The following CNOT1 variants were observed in gnomAD, a reference collection of about 807,000 sequenced individuals.
CNOT1 encodes CCR4-NOT transcription complex subunit 1.
A neutral mutation model predicts 273.8 loss-of-function variants in CNOT1; 15 were observed. The ratio of observed to expected loss-of-function variants is 0.05; its 90% CI spans 0.04 to 0.08. CNOT1 has a LOEUF of 0.08. CNOT1 is among the 10% of genes least tolerant of loss of function. The probability of loss-of-function intolerance (pLI) is 1.00; values close to 1 mark genes in which losing one functional copy is unlikely to be tolerated. For synonymous variants in CNOT1, 1,022 were observed against 1,005.5 expected, an observed-to-expected ratio of 1.02 and a Z score of -0.31; for missense variants, 1,644 against 2,912.2, an observed-to-expected ratio of 0.56 and a Z score of 10.02.
At chr16:58,587,499 A>G (rs1315395079) in intron 4 of CNOT1, 86 bp from the exon 5 acceptor site, 4 of 1,564,304 alleles carry the variant, frequency 2.6e-6, no homozygotes, top group Non-Finnish European at 3.5e-6. Context: ...CAAGGATGGC[A>G]CTACATAGGA....
rs766290876 is a variant in CNOT1 at position 58,541,567 on chromosome 16, A to G, written c.4734T>C (p.Asn1578=). The G allele has an allele frequency of 3.3e-5, 53 of 1,614,022 alleles. 1 individual carries two copies. The South Asian group carries it at 3.3e-4, about 10-fold the overall frequency. The change falls in exon 34 of 49, where the codon AAT becomes AAC. Residue 1578 remains asparagine, a synonymous_variant. Transcript: ENST00000317147. The part of the protein sequence containing the change: ...QLAVYEEFAR[N]VPGFLPTNDL... The stretch of plus-strand genomic sequence containing the variant: ...CATTTGTAGGTAAGAAGCCAGGAAC[A>G]TTGCGTGCAAACTCTTCGTAAACAG...
In CNOT1 at chr16:58,523,261, A is replaced by C. The variant is rs1007777069; in HGVS notation, c.6917+109T>G. On this transcript the variant is annotated intron_variant, in intron 47 of 48. Coordinates refer to ENST00000317147, the MANE Select transcript of CNOT1 (RefSeq NM_016284.5). ...CTCCGTCTCAAAAAAACAAAAAAAA[A>C]ACCAACCAAACGGATTTTCACTGAA... is the stretch of plus-strand genomic sequence containing the variant. 6.3e-6 allele frequency: 8 copies of C among 1,275,924 alleles called. No individual in the cohort carries two copies. The South Asian group carries it at 1.3e-4, about 20-fold the overall frequency. The allele number at this position is 1,275,924 out of a possible 1,614,324, so 79.0% of individuals were successfully genotyped here.
At chr16:58,593,677 T>G (rs1050400532) in intron 2 of CNOT1, among the ~76,000 whole-genome samples, 1 of 151,814 alleles carries the variant, frequency 6.6e-6, no homozygotes, top group African/African-American at 2.4e-5. Context: ...GAGGAGATGA[T>G]GATCTTGCCA....
chr16:58,592,496 T>C (rs942210692), intron 2 of CNOT1, among the ~76,000 whole-genome samples: 2 of 152,140 alleles, frequency 1.3e-5, no homozygotes, highest in African/African-American at 4.8e-5. Context: ...GATGATCACT[T>C]GAGGCCAGGA....
At chr16:58,540,748 C>T (rs2040068452) in intron 34 of CNOT1, among the ~76,000 whole-genome samples, 2 of 152,024 alleles carry the variant, frequency 1.3e-5, no homozygotes, top group African/African-American at 4.8e-5. Context: ...GAAATACAAA[C>T]CAAAGGAAAA....
chr16:58,572,952 A>G (rs527943861), intron 16 of CNOT1, among the ~76,000 whole-genome samples: 3 of 151,556 alleles, frequency 2.0e-5, no homozygotes, highest in African/African-American at 7.2e-5. Flanking sequence ...AAATAAAATA[A>G]TTAATAAATT....
At chr16:58,525,960 T>G (rs201935361) in intron 45 of CNOT1, 29 bp downstream of exon 45, 4 of 1,605,256 alleles carry the variant, frequency 2.5e-6, no homozygotes, top group Non-Finnish European at 3.4e-6. Flanking sequence ...ATGGAAGACG[T>G]AGATGAGTTT....
At chr16:58,542,594 TGGG>T in intron 31 of CNOT1, 26 bp from the exon 32 acceptor site, 1 of 42,164 alleles carries the variant, frequency 2.4e-5, no homozygotes, top group Non-Finnish European at 3.6e-5. Flanking sequence ...GGTGGGGGGG[TGGG>T]GGGAATAGAA....
intron 1 of CNOT1, among the ~76,000 whole-genome samples, chr16:58,599,848 A>C (rs780815267): frequency 6.6e-6 from 1 of 152,000 alleles, no homozygotes; most frequent in Non-Finnish European, 1.5e-5. Context: ...GGCAGATCAC[A>C]AGGGCAGGAG....
chr16:58,532,322 T>C lies in CNOT1; in HGVS notation c.5969A>G (p.Tyr1990Cys). ...GAGAAGCATGATAAAAATTCGATGGTAGGGAAGTTGCTGAAATTCACTCTG... is the reference window on the plus strand; with the variant it reads ...GAGAAGCATGATAAAAATTCGATGGCAGGGAAGTTGCTGAAATTCACTCTG... ...VRQSEFQQLP[Y>C]HRIFIMLLLE... Residue 1990 changes from tyrosine to cysteine, a missense_variant, in exon 41 of 49, where the codon TAC (tyrosine) becomes TGC (cysteine). By Grantham distance (194) the Tyr-to-Cys change is radical. This residue lies in a region of CNOT1 where 133 missense variants were observed against 328.2 expected (regional missense o/e 0.41). Transcript: ENST00000317147. 6.2e-7 allele frequency: 1 copy of C among 1,614,192 alleles called. No homozygotes were observed. Among genetic ancestry groups the C allele is most frequent in the Non-Finnish European group, 8.5e-7 (1 of 1,180,022 alleles).
chr16:58,562,541 C>T (rs984081360), intron 16 of CNOT1, among the ~76,000 whole-genome samples: 5 of 146,990 alleles, frequency 3.4e-5, no homozygotes, highest in African/African-American at 7.5e-5. Context: ...GGCGGGGGGG[C>T]GGCCAGGCAC....
intron 21 of CNOT1, among the ~76,000 whole-genome samples, chr16:58,554,617 A>G (rs2040566764): frequency 6.6e-6 from 1 of 152,180 alleles, no homozygotes; most frequent in Non-Finnish European, 1.5e-5. Flanking sequence ...TTCTCATTTT[A>G]GTTTTCCTAC....
At chr16:58,570,960 GC>G (rs1288350999) in intron 16 of CNOT1, among the ~76,000 whole-genome samples, 4 of 152,050 alleles carry the variant, frequency 2.6e-5, no homozygotes, top group African/African-American at 9.7e-5. Context: ...CAGCAAAAGA[GC>G]CCTATATTAT....
rs779971579 is a variant in CNOT1, at chr16:58,551,718, G to C, written c.3072C>G (p.Ala1024=). 5 of 1,614,074 alleles carry C rather than the reference G, an allele frequency of 3.1e-6. No homozygotes were observed. The highest frequency in any genetic ancestry group is 1.7e-5 in the Admixed American group (1 of 60,008). ...SIALAQAQAQ[A]QVPAKAPLAG... is the part of the protein sequence containing the mutation. ...CAAGAGGAGCTTTTGCTGGAACCTG[G>C]GCCTGAGCCTGGGCCTGAGCCAGTG... The change falls in exon 23 of 49, where the codon GCC becomes GCG. Residue 1024 remains alanine (A), a synonymous_variant. Transcript: ENST00000317147.
chr16:58,548,469 T>G (rs752385214), intron 25 of CNOT1: 3 of 508,506 alleles, frequency 5.9e-6, no homozygotes, highest in African/African-American at 3.9e-5. Flanking sequence ...CCAACCACCC[T>G]TGCTATCAGA....
At chr16:58,537,365 T>C (rs1597415706) in intron 38 of CNOT1, 145 bp from the exon 39 acceptor site, 1 of 1,248,968 alleles carries the variant, frequency 8.0e-7, no homozygotes, top group Non-Finnish European at 1.1e-6. Context: ...AACAAAACTA[T>C]ACTTAGTCTC....
At chr16:58,526,590 G>A (rs917753833) in intron 44 of CNOT1, among the ~76,000 whole-genome samples, 5 of 150,664 alleles carry the variant, frequency 3.3e-5, no homozygotes, top group East Asian at 2.0e-4. Flanking sequence ...TTGGGAGGCC[G>A]AGGTAGGCGG....
At position 58,551,637 on chromosome 16, in the gene CNOT1, C is replaced by T. The variant is rs1424142715; in HGVS notation, c.3153G>A (p.Thr1051=). 6.2e-6 allele frequency: 10 copies of T among 1,614,050 alleles called. No individual in the cohort carries two copies. Among genetic ancestry groups the T allele is most frequent in the East Asian group, 2.2e-5 (1 of 44,898 alleles). ...TTSTTTTVAK[T]VTVTRPTGVS... ...CTCCAGTTGGCCTGGTGACCGTAACCGTTTTAGCAACAGTGGTAGTTGTTG... is the reference window on the plus strand; with the variant it reads ...CTCCAGTTGGCCTGGTGACCGTAACTGTTTTAGCAACAGTGGTAGTTGTTG... The change falls in exon 23 of 49, where the codon ACG becomes ACA. Residue 1051 remains threonine, a synonymous_variant. Coordinates refer to ENST00000317147, the MANE Select transcript of CNOT1 (RefSeq NM_016284.5).
At chr16:58,538,728 A>G in intron 36 of CNOT1, 44 bp downstream of exon 36, 1 of 1,605,194 alleles carries the variant, frequency 6.2e-7, no homozygotes, top group Non-Finnish European at 8.5e-7. Flanking sequence ...GTCAAAAGGC[A>G]GTCGCAGTCC....
Sources: gnomAD v4.1 joint callset for allele counts (sites outside exome capture counted in the v4.1 genomes callset) on GRCh38, gnomAD v4.1.1 for gene constraint, gnomAD v4.1.1 regional missense constraint, MANE v1.5 for transcripts, NCBI Gene and HGNC (gene_info 2026-07-23, HGNC 2026-07-21) for gene names.